Variants in ATP8B4 observed in about 807,000 individuals in gnomAD.
ATP8B4 encodes the protein ATPase phospholipid transporting 8B4 (putative).
In ATP8B4, 133 loss-of-function variants were observed where a neutral mutation model predicts 145.6. That is an observed-to-expected ratio of 0.91 (90% CI 0.79 to 1.05). The LOEUF is 1.05. ATP8B4 is among the 50% of genes least tolerant of loss of function. The pLI is 0.00. For missense variants in ATP8B4, 1,458 were observed against 1,425.2 expected, an observed-to-expected ratio of 1.02 and a Z score of -0.37; for synonymous variants, 507 against 492.9, an observed-to-expected ratio of 1.03 and a Z score of -0.38.
chr15:49,893,039 A>C (rs1399109632), intron 23 of ATP8B4, among the ~76,000 whole-genome samples: 1 of 152,260 alleles, frequency 6.6e-6, no homozygotes, highest in Non-Finnish European at 1.5e-5. Context: ...AGCAGTGCCC[A>C]CAGGGAACTG....
At chr15:50,110,871 T>C (rs2056904803) in intron 1 of ATP8B4, among the ~76,000 whole-genome samples, 1 of 152,086 alleles carries the variant, frequency 6.6e-6, no homozygotes, top group South Asian at 2.1e-4. Context: ...GCAGTGCATA[T>C]TTGTTTTAAA....
chr15:49,938,213 G>A (rs1567033425), intron 14 of ATP8B4, among the ~76,000 whole-genome samples: 1 of 152,136 alleles, frequency 6.6e-6, no homozygotes, highest in Non-Finnish European at 1.5e-5. Context: ...AGGCCGTGTA[G>A]AACTACCACA....
intron 11 of ATP8B4, 103 bp from the exon 12 acceptor site, chr15:49,979,916 A>C: frequency 1.3e-6 from 1 of 787,344 alleles, no homozygotes; most frequent in Non-Finnish European, 1.9e-6. Flanking sequence ...GTCATTTGAA[A>C]AGCAAGTATG....
chr15:49,916,641 A>G (rs1459164417), intron 20 of ATP8B4, among the ~76,000 whole-genome samples: 1 of 152,200 alleles, frequency 6.6e-6, no homozygotes, highest in East Asian at 1.9e-4. Flanking sequence ...GTGAGCAGGT[A>G]CTAACCAAAG....
intron 21 of ATP8B4, among the ~76,000 whole-genome samples, chr15:49,900,567 C>G (rs913829766): frequency 2.0e-5 from 3 of 152,170 alleles, no homozygotes; most frequent in South Asian, 4.1e-4. Flanking sequence ...TCTATTAGGA[C>G]AAGAACCAGA....
intron 1 of ATP8B4, among the ~76,000 whole-genome samples, chr15:50,140,699 C>T (rs533474738): frequency 2.2e-4 from 33 of 152,170 alleles, no homozygotes; most frequent in Non-Finnish European, 4.4e-4. Context: ...GGGAAAACTA[C>T]TGACATATGA....
intron 14 of ATP8B4, among the ~76,000 whole-genome samples, chr15:49,956,389 T>C (rs1467626446): frequency 1.3e-5 from 2 of 152,062 alleles, no homozygotes; most frequent in Non-Finnish European, 2.9e-5. Flanking sequence ...GTTTTTATAT[T>C]TTAAAATATT....
chr15:49,862,427 A>G (rs1336872430), intron 26 of ATP8B4, 52 bp from the exon 27 acceptor site: 1 of 1,561,688 alleles, frequency 6.4e-7, no homozygotes, highest in Non-Finnish European at 8.7e-7. Flanking sequence ...GGACTGAATT[A>G]TTAATTAATA....
At chr15:50,054,788 AAAAAAAAAAAAAAAAAAAAAAC>A (rs1271691654) in intron 3 of ATP8B4, among the ~76,000 whole-genome samples, 5 of 139,486 alleles carry the variant, frequency 3.6e-5, no homozygotes, top group Admixed American at 6.9e-5. Context: ...CGCCTCAAAA[AAAAAAAAAAAAAAAAAAAAAAC>A]AAAAAAAAAA....
chr15:50,122,336 A>G (rs977677797), upstream of ATP8B4, among the ~76,000 whole-genome samples: 1 of 152,222 alleles, frequency 6.6e-6, no homozygotes, highest in Non-Finnish European at 1.5e-5. Context: ...TGTGATGCTT[A>G]TCAGCTGCTG....
chr15:49,952,371 T>C (rs987069940), intron 14 of ATP8B4, among the ~76,000 whole-genome samples: 1 of 152,194 alleles, frequency 6.6e-6, no homozygotes, highest in African/African-American at 2.4e-5. Flanking sequence ...AGTCCCATAT[T>C]TCTTGGAGCT....
intron 7 of ATP8B4, among the ~76,000 whole-genome samples, chr15:50,002,782 G>C (rs923102661): frequency 6.6e-6 from 1 of 152,092 alleles, no homozygotes; most frequent in Non-Finnish European, 1.5e-5. Flanking sequence ...ATAAAGTAGG[G>C]ACTAAGGAAA....
chr15:50,016,897 A>G (rs1344767895), intron 6 of ATP8B4, among the ~76,000 whole-genome samples: 1 of 152,112 alleles, frequency 6.6e-6, no homozygotes, highest in Non-Finnish European at 1.5e-5. Context: ...CAATATCTTC[A>G]TGTATTTATA....
intron 14 of ATP8B4, among the ~76,000 whole-genome samples, chr15:49,957,691 T>A (rs1194922257): frequency 1.3e-5 from 2 of 151,890 alleles, no homozygotes; most frequent in Non-Finnish European, 2.9e-5. Flanking sequence ...CAAAAAAGAG[T>A]ACTTTTAATG....
rs139356329 is a variant in ATP8B4, at chr15:50,135,943, T to C, written c.-42-28935A>G. 7.2e-5 allele frequency among the ~76,000 whole-genome samples: 11 copies of C among 152,362 alleles called. 1 individual carries two copies. Among genetic ancestry groups the C allele is most frequent in the East Asian group, 1.9e-4 (1 of 5,196 alleles). On this transcript the variant is annotated intron_variant, in intron 1 of 3. Transcript: ENST00000558829. The stretch of plus-strand genomic sequence containing the variant: ...CCTCTGACGTTTAATAATTCTTTCA[T>C]GTACATTTCAATGAAAGGTGAAGCT...
chr15:50,093,496 AAAG>A (rs1442292501), intron 2 of ATP8B4, among the ~76,000 whole-genome samples: 1 of 152,086 alleles, frequency 6.6e-6, no homozygotes, highest in Non-Finnish European at 1.5e-5. Flanking sequence ...GTAATCACAA[AAAG>A]AAGTTTAAAG....
chr15:49,933,564 T>C (rs190996909), intron 15 of ATP8B4, among the ~76,000 whole-genome samples: 261 of 152,206 alleles, frequency 1.7e-3, no homozygotes, highest in Non-Finnish European at 2.8e-3. Flanking sequence ...AATTTATCTC[T>C]GTTACTGGGA....
chr15:50,071,753 C>T (rs1466036953), intron 3 of ATP8B4, among the ~76,000 whole-genome samples: 2 of 152,088 alleles, frequency 1.3e-5, no homozygotes, highest in South Asian at 2.1e-4. Flanking sequence ...AATTATAGCC[C>T]CTCCCTCTCC....
At chr15:49,980,017 C>T (rs182631008) in intron 11 of ATP8B4, among the ~76,000 whole-genome samples, 131 of 152,278 alleles carry the variant, frequency 8.6e-4, no homozygotes, top group African/African-American at 3.0e-3. Context: ...TGCCCATTGA[C>T]TCTCTAAGAT....
Sources: gnomAD v4.1 joint callset for allele counts (sites outside exome capture counted in the v4.1 genomes callset) on GRCh38, gnomAD v4.1.1 for gene constraint, MANE v1.5 for transcripts, NCBI Gene and HGNC (gene_info 2026-07-23, HGNC 2026-07-21) for gene names.